Variants in BIRC6 observed in about 807,000 individuals in gnomAD.
The protein encoded by BIRC6 is baculoviral IAP repeat containing 6.
Under a neutral mutation model 503.3 loss-of-function variants are expected in BIRC6, and 98 were observed. The ratio of observed to expected loss-of-function variants is 0.19; its 90% CI spans 0.17 to 0.23. The LOEUF (loss-of-function observed/expected upper bound fraction) is 0.23. Among genes scored for constraint, BIRC6 ranks in the 10% least tolerant of loss-of-function variants. The pLI is 1.00. For missense variants in BIRC6, 5,360 were observed against 5,806.0 expected (o/e 0.92, Z 2.50); for synonymous variants, 2,240 against 2,078.7 (o/e 1.08, Z -2.11).
At chr2:32,444,031 G>GTTTT (rs776568064) in intron 20 of BIRC6, among the ~76,000 whole-genome samples, 1 of 136,884 alleles carries the variant, frequency 7.3e-6, no homozygotes, top group African/African-American at 2.8e-5. Context: ...GGGACCAGTG[G>GTTTT]TTTTTTTTTT....
chr2:32,545,739 A>G lies in BIRC6; in HGVS notation c.12689A>G (p.Asp4230Gly). 6.2e-7 allele frequency: 1 copy of G among 1,613,874 alleles called. No individual in the cohort carries two copies. ...AGCACTACACCTTTGACAACTGATGATGGTGTACTTCTAAGGCGGATGGCA... is the reference window on the plus strand; with the variant it reads ...AGCACTACACCTTTGACAACTGATGGTGGTGTACTTCTAAGGCGGATGGCA... The part of the protein sequence containing the change: ...LFSTTPLTTD[D>G]GVLLRRMALE... Residue 4230 changes from aspartate to glycine, a missense_variant, in exon 63 of 74, where the codon GAT (aspartate) becomes GGT (glycine). Asp to Gly is a moderately conservative substitution (Grantham distance 94, BLOSUM62 -1). This residue lies in a region of BIRC6 where 477 missense variants were observed against 574.4 expected (regional missense o/e 0.83). Transcript: ENST00000421745.
At chr2:32,567,575 T>A (rs1365489797) in intron 65 of BIRC6, among the ~76,000 whole-genome samples, 1 of 152,226 alleles carries the variant, frequency 6.6e-6, no homozygotes, top group Admixed American at 6.5e-5. Context: ...ACTGGACAGT[T>A]CAGGAAGTAT....
chr2:32,465,093 C>T lies in BIRC6; in HGVS notation c.5285C>T (p.Ala1762Val). Reference sequence around the variant, plus strand: ...CCACTTGGTTCTGGTCTAGCCCTTGCAATTTCTCATGCTTCACATTTTCTT... The same window carrying T: ...CCACTTGGTTCTGGTCTAGCCCTTGTAATTTCTCATGCTTCACATTTTCTT... ...MNPLGSGLAL[A>V]ISHASHFLQP... Residue 1762 changes from alanine (A) to valine (V), a missense_variant, in exon 26 of 74, where the codon GCA becomes GTA. Physicochemically the swap from Ala to Val is moderately conservative, Grantham distance 64. Transcript: ENST00000421745. The T allele has an allele frequency of 6.2e-7, 1 of 1,605,822 alleles. No homozygotes were observed. Among genetic ancestry groups the T allele is most frequent in the Admixed American group, 1.7e-5 (1 of 59,476 alleles).
chr2:32,519,887 T>C (rs1011474089), intron 57 of BIRC6, among the ~76,000 whole-genome samples: 1 of 152,242 alleles, frequency 6.6e-6, no homozygotes, highest in Non-Finnish European at 1.5e-5. Flanking sequence ...GTGAACTTGC[T>C]GAGCATCTGC....
At chr2:32,507,840 A>G (rs1336601809) in intron 50 of BIRC6, 140 bp from the exon 51 acceptor site, 8 of 716,268 alleles carry the variant, frequency 1.1e-5, no homozygotes, top group African/African-American at 1.1e-4. Context: ...TTGTCAAACT[A>G]TATTTTGTTG....
At chr2:32,585,061 T>G (rs561922249) in intron 66 of BIRC6, among the ~76,000 whole-genome samples, 1 of 152,294 alleles carries the variant, frequency 6.6e-6, no homozygotes, top group East Asian at 1.9e-4. Context: ...TATGTAATAT[T>G]TTTGGGGTTT....
In BIRC6 at chr2:32,594,079, T is replaced by TA; in HGVS notation, c.13501+20dup. On this transcript the variant is annotated intron_variant, in intron 67 of 73. Transcript: ENST00000421745. ...AATCAGGGTACAAAACTTTTCCTATTATGCCACTTTTCATTTGATGTAAAG... is the reference window on the plus strand; with the variant it reads ...AATCAGGGTACAAAACTTTTCCTATTAATGCCACTTTTCATTTGATGTAAAG... The TA allele has an allele frequency of 6.3e-7, 1 of 1,594,714 alleles. No individual in the cohort carries two copies. The highest frequency in any genetic ancestry group is 8.5e-7 in the Non-Finnish European group (1 of 1,171,160).
intron 46 of BIRC6, 46 bp downstream of exon 46, chr2:32,500,155 A>C: frequency 1.3e-6 from 2 of 1,487,064 alleles, no homozygotes; most frequent in East Asian, 4.5e-5. Context: ...TGATACTATA[A>C]CTGGTTTTTT....
At chr2:32,375,152 C>T (rs1384764023) in intron 1 of BIRC6, among the ~76,000 whole-genome samples, 3 of 151,682 alleles carry the variant, frequency 2.0e-5, no homozygotes, top group African/African-American at 4.9e-5. Flanking sequence ...AATCAGTGCT[C>T]GTATAGAAAA....
intron 35 of BIRC6, 94 bp from the exon 36 acceptor site, chr2:32,478,541 T>A: frequency 1.8e-6 from 2 of 1,090,758 alleles, no homozygotes; most frequent in Non-Finnish European, 2.5e-6. Context: ...TTGAAACCTA[T>A]TGTTCAGTGC....
intron 54 of BIRC6, 30 bp from the exon 55 acceptor site, chr2:32,514,960 A>G: frequency 6.6e-7 from 1 of 1,509,352 alleles, no homozygotes; most frequent in Non-Finnish European, 9.1e-7. Flanking sequence ...ATATACTTGT[A>G]TCATTAATAT....
At chr2:32,594,179 C>A (rs2061543076) in intron 67 of BIRC6, 119 bp downstream of exon 67, 4 of 1,176,830 alleles carry the variant, frequency 3.4e-6, no homozygotes, top group Non-Finnish European at 4.6e-6. Context: ...AGTTCATTTA[C>A]CTAAAAATTT....
Position 32,618,669 on chromosome 2 carries a change from TA to T in BIRC6, c.*768del, listed in dbSNP as rs1367984393. On this transcript the variant is annotated 3_prime_UTR_variant, in exon 74 of 74. Coordinates refer to ENST00000421745, the MANE Select transcript of BIRC6 (RefSeq NM_016252.4). ...GGAATGGTCAATTTGAAAGTCATTC[TA>T]AACTGATTTTTTTTTTCTAAAGGGC... The T allele has an allele frequency of 1.3e-5, 2 of 152,622 alleles. No individual in the cohort carries two copies. The highest frequency in any genetic ancestry group is 4.8e-5 in the African/African-American group (2 of 41,462). 9.5% of individuals were successfully genotyped at this position (152,622 alleles called of 1,614,324 possible). A position where few individuals can be genotyped will look rare whatever the true frequency, so the allele number is the denominator to read the frequency against.
intron 1 of BIRC6, among the ~76,000 whole-genome samples, chr2:32,364,617 CTT>C (rs142140493): frequency 6.7e-6 from 1 of 149,982 alleles, no homozygotes; most frequent in Non-Finnish European, 1.5e-5. Flanking sequence ...TAGATAGTGA[CTT>C]TTTTTTTTCC....
At chr2:32,418,395 T>C (rs2042600383) in intron 10 of BIRC6, among the ~76,000 whole-genome samples, 1 of 152,184 alleles carries the variant, frequency 6.6e-6, no homozygotes, top group African/African-American at 2.4e-5. Flanking sequence ...GAAAGAAAGG[T>C]TAAGTAACTT....
At chr2:32,445,750 A>G (rs2045881976) in intron 21 of BIRC6, 82 bp downstream of exon 21, 1 of 998,484 alleles carries the variant, frequency 1.0e-6, no homozygotes, top group Non-Finnish European at 1.3e-6. Flanking sequence ...TTTAATATAT[A>G]TATGCTGATA....
chr2:32,515,488 T>C lies in BIRC6; in HGVS notation c.11067T>C (p.Phe3689=), dbSNP rs2054929052. 4 of 1,613,856 alleles carry C rather than the reference T, an allele frequency of 2.5e-6. No individual in the cohort carries two copies. Among genetic ancestry groups the C allele is most frequent in the Non-Finnish European group, 3.4e-6 (4 of 1,179,884 alleles). The change falls in exon 55 of 74, where the codon TTT becomes TTC. Residue 3689 remains phenylalanine, a synonymous_variant. Coordinates refer to ENST00000421745, the MANE Select transcript of BIRC6 (RefSeq NM_016252.4). ...ACCTAGTTGCTCCTATTCTTAGGTT[T>C]TTGACAGAAGTTGGCAATAGCCATA... ...TADLVAPILR[F]LTEVGNSHIM...
chr2:32,560,047 C>G (rs933420276), intron 65 of BIRC6, among the ~76,000 whole-genome samples: 1 of 152,094 alleles, frequency 6.6e-6, no homozygotes, highest in East Asian at 1.9e-4. Context: ...ATAATAAATC[C>G]GATATAAATA....
chr2:32,429,554 A>T (rs1181635441), intron 11 of BIRC6, among the ~76,000 whole-genome samples: 2 of 139,334 alleles, frequency 1.4e-5, no homozygotes, highest in African/African-American at 5.3e-5. Context: ...AGACTGGCTC[A>T]TATTATTAAT....
Sources: gnomAD v4.1 joint callset for allele counts (sites outside exome capture counted in the v4.1 genomes callset) on GRCh38, gnomAD v4.1.1 for gene constraint, gnomAD v4.1.1 regional missense constraint, MANE v1.5 for transcripts, NCBI Gene and HGNC (gene_info 2026-07-23, HGNC 2026-07-21) for gene names.